The following STAU2 variants were observed in gnomAD, a reference collection of about 807,000 sequenced individuals.
STAU2 encodes double-stranded RNA-binding protein Staufen homolog 2.
In STAU2, 20 loss-of-function variants were observed where a neutral mutation model predicts 65.9. The ratio of observed to expected loss-of-function variants is 0.30; its 90% CI spans 0.21 to 0.44. STAU2 has a LOEUF of 0.44. Ranked by LOEUF, STAU2 falls within the 20% of genes least tolerant of loss-of-function variation. The probability of loss-of-function intolerance (pLI) is 1.00; values close to 1 mark genes in which losing one functional copy is unlikely to be tolerated. For missense variants in STAU2, 558 were observed against 683.9 expected (o/e 0.82, Z 2.05); for synonymous variants, 232 against 233.9 (o/e 0.99, Z 0.07).
At chr8:73,635,890 C>T (rs952647081) in intron 6 of STAU2, among the ~76,000 whole-genome samples, 14 of 145,348 alleles carry the variant, frequency 9.6e-5, no homozygotes, top group African/African-American at 3.7e-4. Flanking sequence ...CTGTTCGAAT[C>T]TCTATCTGAC....
intron 13 of STAU2, among the ~76,000 whole-genome samples, chr8:73,461,026 T>C (rs931869736): frequency 2.0e-5 from 3 of 152,140 alleles, no homozygotes; most frequent in Non-Finnish European, 4.4e-5. Context: ...CCAACATACA[T>C]TGGGTAACTG....
intron 6 of STAU2, among the ~76,000 whole-genome samples, chr8:73,655,639 C>CTTTTTTTT (rs71269930): frequency 1.9e-5 from 2 of 104,748 alleles, no homozygotes; most frequent in Non-Finnish European, 3.8e-5. Flanking sequence ...TTTAATACAT[C>CTTTTTTTT]TTTTTTTTTT....
At chr8:73,451,907 G>A (rs536109652) in intron 13 of STAU2, among the ~76,000 whole-genome samples, 11 of 152,338 alleles carry the variant, frequency 7.2e-5, no homozygotes, top group Admixed American at 2.0e-4. Flanking sequence ...GGAGCTTGGC[G>A]GCATGCTGCC....
intron 13 of STAU2, among the ~76,000 whole-genome samples, chr8:73,524,949 C>T (rs540239125): frequency 7.2e-5 from 11 of 152,198 alleles, no homozygotes; most frequent in South Asian, 2.1e-4. Flanking sequence ...GAGAGGGTAA[C>T]GGCAACATAA....
At chr8:73,466,980 C>T (rs1398484699) in intron 13 of STAU2, among the ~76,000 whole-genome samples, 1 of 152,178 alleles carries the variant, frequency 6.6e-6, no homozygotes, top group Non-Finnish European at 1.5e-5. Flanking sequence ...AATGGCCTTC[C>T]TCTCCTTTTC....
At chr8:73,556,687 G>T (rs1427392225) in intron 12 of STAU2, among the ~76,000 whole-genome samples, 2 of 152,154 alleles carry the variant, frequency 1.3e-5, no homozygotes, top group African/African-American at 4.8e-5. Context: ...AACCCGGGAG[G>T]TGGAGGTTCC....
intron 4 of STAU2, among the ~76,000 whole-genome samples, chr8:73,706,886 CA>C (rs1820541234): frequency 6.6e-6 from 1 of 152,222 alleles, no homozygotes; most frequent in African/African-American, 2.4e-5. Flanking sequence ...GATAAAAGGT[CA>C]GTTCATAAAC....
intron 4 of STAU2, chr8:73,697,351 A>G (rs575604908): frequency 1.3e-5 from 2 of 152,352 alleles, no homozygotes; most frequent in South Asian, 4.1e-4. Context: ...ATTATGAAGG[A>G]GAGATAAAGT....
At chr8:73,553,841 C>T (rs1458254761) in intron 12 of STAU2, among the ~76,000 whole-genome samples, 1 of 151,772 alleles carries the variant, frequency 6.6e-6, no homozygotes, top group African/African-American at 2.4e-5. Flanking sequence ...ATGCATTGTT[C>T]ACCAGACCTC....
intron 4 of STAU2, among the ~76,000 whole-genome samples, chr8:73,696,769 C>T (rs1040971215): frequency 6.6e-6 from 1 of 152,124 alleles, no homozygotes; most frequent in Non-Finnish European, 1.5e-5. Flanking sequence ...AAATGTAAGA[C>T]TTACTGGCCT....
chr8:73,595,727 G>C (rs1251426257), intron 10 of STAU2, among the ~76,000 whole-genome samples: 1 of 152,044 alleles, frequency 6.6e-6, no homozygotes, highest in Non-Finnish European at 1.5e-5. Context: ...TGTTCAAATT[G>C]CAATATTATG....
intron 12 of STAU2, among the ~76,000 whole-genome samples, chr8:73,557,126 T>A (rs1188400303): frequency 6.6e-6 from 1 of 152,186 alleles, no homozygotes; most frequent in Non-Finnish European, 1.5e-5. Flanking sequence ...TATACAGGAC[T>A]AATGGGTTTG....
At chr8:73,672,277 T>C (rs1444593260) in intron 6 of STAU2, 3 of 152,030 alleles carry the variant, frequency 2.0e-5, no homozygotes, top group Non-Finnish European at 4.4e-5. Flanking sequence ...AGTCTAGATA[T>C]AAAAAGTTCA....
chr8:73,510,643 A>T (rs1476464789), intron 13 of STAU2, among the ~76,000 whole-genome samples: 2 of 152,196 alleles, frequency 1.3e-5, no homozygotes, highest in Non-Finnish European at 2.9e-5. Flanking sequence ...ATCACGGCGG[A>T]AGGGGAAGCA....
intron 13 of STAU2, among the ~76,000 whole-genome samples, chr8:73,546,570 A>C (rs1806955138): frequency 6.6e-6 from 1 of 152,198 alleles, no homozygotes; most frequent in African/African-American, 2.4e-5. Flanking sequence ...TAGTTTATCC[A>C]TATATCCCCT....
At position 73,528,971 on chromosome 8, in the gene STAU2, G is replaced by C. The variant is rs564300909; in HGVS notation, c.1530+23041C>G. On this transcript the variant is annotated intron_variant, in intron 13 of 14. Transcript: ENST00000524300. Reference sequence around the variant, plus strand: ...TAATTCAAGTTTTTTAAACCAGTAGGGTTGTTAAGAATGGCCATCATTTTC... The same window carrying C: ...TAATTCAAGTTTTTTAAACCAGTAGCGTTGTTAAGAATGGCCATCATTTTC... Among the ~76,000 whole-genome samples the C allele has an allele frequency of 3.3e-5, 5 of 152,168 alleles. No homozygotes were observed. The East Asian group carries it at 9.6e-4, about 29-fold the overall frequency.
chr8:73,535,461 C>T (rs903968679), intron 13 of STAU2, among the ~76,000 whole-genome samples: 1 of 152,138 alleles, frequency 6.6e-6, no homozygotes, highest in African/African-American at 2.4e-5. Context: ...GAGCCACCGC[C>T]CCTGGCCGTT....
intron 10 of STAU2, among the ~76,000 whole-genome samples, chr8:73,601,032 C>G (rs1811595900): frequency 6.6e-6 from 1 of 152,116 alleles, no homozygotes; most frequent in Non-Finnish European, 1.5e-5. Flanking sequence ...CTTGAGAAGT[C>G]ACAAATTTTA....
At chr8:73,721,784 G>A (rs2130710835) in intron 3 of STAU2, among the ~76,000 whole-genome samples, 1 of 152,224 alleles carries the variant, frequency 6.6e-6, no homozygotes, top group South Asian at 2.1e-4. Flanking sequence ...CTTTTAACCT[G>A]TTTGTTTACA....
Sources: gnomAD v4.1 joint callset for allele counts (sites outside exome capture counted in the v4.1 genomes callset) on GRCh38, gnomAD v4.1.1 for gene constraint, MANE v1.5 for transcripts, NCBI Gene and HGNC (gene_info 2026-07-23, HGNC 2026-07-21) for gene names.